Variants in PTPN4 observed in about 807,000 individuals in gnomAD.
The protein encoded by PTPN4 is protein tyrosine phosphatase non-receptor type 4.
PTPN4 carries 49 observed loss-of-function variants against 135.5 expected under a neutral mutation model. That is an observed-to-expected ratio of 0.36 (90% CI 0.29 to 0.46). The LOEUF (loss-of-function observed/expected upper bound fraction) is 0.46. PTPN4 is among the 20% of genes least tolerant of loss of function. The pLI, the probability that PTPN4 is intolerant of heterozygous loss-of-function variation, is 1.00. For synonymous variants in PTPN4, 333 were observed against 369.9 expected (o/e 0.90, Z 1.14); for missense variants, 860 against 1,101.0 (o/e 0.78, Z 3.10).
At chr2:119,906,253 T>C (rs1311656416) in intron 10 of PTPN4, among the ~76,000 whole-genome samples, 2 of 151,996 alleles carry the variant, frequency 1.3e-5, no homozygotes, top group Admixed American at 1.3e-4. Context: ...CCTGTAGTCC[T>C]GGGTACTCGG....
chr2:119,855,749 C>T (rs1231233283), intron 2 of PTPN4, among the ~76,000 whole-genome samples: 1 of 152,100 alleles, frequency 6.6e-6, no homozygotes, highest in African/African-American at 2.4e-5. Flanking sequence ...AAGCATCATA[C>T]AAGGGTCTGG....
intron 2 of PTPN4, among the ~76,000 whole-genome samples, chr2:119,827,498 T>C (rs1482473813): frequency 6.6e-6 from 1 of 152,244 alleles, no homozygotes; most frequent in East Asian, 1.9e-4. Flanking sequence ...TGAACTAGTA[T>C]TTTATTGAGG....
At chr2:119,976,056 C>T (rs1425680987) in intron 26 of PTPN4, among the ~76,000 whole-genome samples, 2 of 149,334 alleles carry the variant, frequency 1.3e-5, no homozygotes, top group Non-Finnish European at 3.0e-5. Context: ...AGCACAGTGG[C>T]GCGATCTCGG....
intron 2 of PTPN4, among the ~76,000 whole-genome samples, chr2:119,848,302 TA>T (rs1212659194): frequency 6.6e-5 from 10 of 151,364 alleles, no homozygotes; most frequent in Non-Finnish European, 1.2e-4. Context: ...GCCTCCCGAG[TA>T]ACTGGGACTA....
chr2:119,919,989 T>C, intron 11 of PTPN4, 80 bp from the exon 12 acceptor site: 2 of 1,501,554 alleles, frequency 1.3e-6, no homozygotes, highest in Non-Finnish European at 8.9e-7. Context: ...TAGAATAATT[T>C]ATCTGTCAAA....
At chr2:119,790,724 TTA>T (rs1477670328) in intron 1 of PTPN4, among the ~76,000 whole-genome samples, 1 of 152,198 alleles carries the variant, frequency 6.6e-6, no homozygotes, top group African/African-American at 2.4e-5. Flanking sequence ...TGCAAATGTT[TTA>T]TATGTCTTTG....
intron 1 of PTPN4, among the ~76,000 whole-genome samples, chr2:119,778,853 T>C (rs1284099926): frequency 6.6e-6 from 1 of 152,210 alleles, no homozygotes; most frequent in Non-Finnish European, 1.5e-5. Flanking sequence ...TGAATCCCAG[T>C]GTAGGTCCAG....
chr2:119,775,493 G>C (rs1052961043), intron 1 of PTPN4, among the ~76,000 whole-genome samples: 1 of 152,130 alleles, frequency 6.6e-6, no homozygotes, highest in African/African-American at 2.4e-5. Flanking sequence ...AGTGGTCTGC[G>C]CGCTCTTCCA....
At chr2:119,873,170 T>G (rs897437521) in intron 3 of PTPN4, among the ~76,000 whole-genome samples, 42 of 138,054 alleles carry the variant, frequency 3.0e-4, no homozygotes, top group Non-Finnish European at 5.4e-4. Context: ...TTTTTCTGGG[T>G]TTTTTTTTTT....
In PTPN4 at chr2:119,805,130, GTTGT is replaced by G. The variant is rs530303614; in HGVS notation, c.-17-4700_-17-4697del. ...TATCCTTTGCCCACTTTTTGATGGG[GTTGT>G]TTGTTTTTTTCTTATAAATTTGTTT... On this transcript the variant is annotated intron_variant, in intron 1 of 26. Coordinates refer to ENST00000263708, the MANE Select transcript of PTPN4 (RefSeq NM_002830.4). Among the ~76,000 whole-genome samples, 789 of 152,214 alleles carry G rather than the reference GTTGT, an allele frequency of 5.2e-3. 5 individuals are homozygous for G. The highest frequency in any genetic ancestry group is 0.017 in the Middle Eastern group (5 of 294).
chr2:119,932,348 C>A, intron 13 of PTPN4, 76 bp from the exon 14 acceptor site: 1 of 1,364,928 alleles, frequency 7.3e-7, no homozygotes, highest in South Asian at 1.6e-5. Flanking sequence ...TCTCTGAAAA[C>A]AAATTGTAGG....
chr2:119,862,507 T>C, intron 2 of PTPN4, 29 bp from the exon 3 acceptor site: 1 of 1,547,352 alleles, frequency 6.5e-7, no homozygotes, highest in East Asian at 2.2e-5. Context: ...TCAAAGTTGA[T>C]TTCATTCAAT....
chr2:119,893,700 A>G (rs76747693), intron 9 of PTPN4, among the ~76,000 whole-genome samples: 1 of 152,320 alleles, frequency 6.6e-6, no homozygotes, highest in Non-Finnish European at 1.5e-5. Flanking sequence ...AGCCATTCAG[A>G]AAGGAGAGCC....
Position 119,934,946 on chromosome 2 carries a change from T to C in PTPN4, c.1343T>C (p.Leu448Pro). Residue 448 changes from leucine to proline, a missense_variant, in exon 15 of 27, where the codon CTG (leucine) becomes CCG (proline). By Grantham distance (98) the Leu-to-Pro change is moderately conservative. Coordinates refer to ENST00000263708, the MANE Select transcript of PTPN4 (RefSeq NM_002830.4). The stretch of plus-strand genomic sequence containing the variant: ...TCAACACAAGCTAATAGCATTGTTC[T>C]GGAATCATCACCGTAAGAGCTTTTT... ...PSSTQANSIVLESSPSQETPG... is the reference protein window; with the variant it reads ...PSSTQANSIVPESSPSQETPG... 1 of 1,612,142 alleles carries C rather than the reference T, an allele frequency of 6.2e-7. No homozygotes were observed.
intron 2 of PTPN4, among the ~76,000 whole-genome samples, chr2:119,840,870 A>T (rs1178195124): frequency 6.6e-6 from 1 of 152,142 alleles, no homozygotes; most frequent in Admixed American, 6.5e-5. Context: ...GGCCGCATGT[A>T]TGTCTTCTTT....
intron 2 of PTPN4, among the ~76,000 whole-genome samples, chr2:119,845,111 G>T (rs1184516025): frequency 6.7e-6 from 1 of 148,718 alleles, no homozygotes; most frequent in Non-Finnish European, 1.5e-5. Flanking sequence ...GCGTGGCGGC[G>T]CGAGCCTGCA....
intron 13 of PTPN4, among the ~76,000 whole-genome samples, chr2:119,928,298 AG>A (rs532757799): frequency 1.8e-4 from 28 of 152,234 alleles, no homozygotes; most frequent in African/African-American, 5.8e-4. Context: ...CCCTGCCTCC[AG>A]AGTAGGAGTT....
In PTPN4 at chr2:119,965,486, T is replaced by A; in HGVS notation, c.2410-11T>A. 6.3e-7 allele frequency: 1 copy of A among 1,595,820 alleles called. No individual in the cohort carries two copies. The highest frequency in any genetic ancestry group is 8.5e-7 in the Non-Finnish European group (1 of 1,172,542). On this transcript the variant is annotated splice_polypyrimidine_tract_variant and intron_variant, in intron 24 of 26. Transcript: ENST00000263708. ...ATAAGTCAAGGTGCATAATTTTTCA[T>A]TTGTTCTTAGAAAAATGAAAGTCGT...
At chr2:119,783,913 G>T (rs1455675825) in intron 1 of PTPN4, among the ~76,000 whole-genome samples, 1 of 152,164 alleles carries the variant, frequency 6.6e-6, no homozygotes, top group African/African-American at 2.4e-5. Context: ...CTTGCTCATT[G>T]GCAATGGCTG....
Sources: gnomAD v4.1 joint callset for allele counts (sites outside exome capture counted in the v4.1 genomes callset) on GRCh38, gnomAD v4.1.1 for gene constraint, MANE v1.5 for transcripts, NCBI Gene and HGNC (gene_info 2026-07-23, HGNC 2026-07-21) for gene names.